The following CTNNA3 variants were observed in gnomAD, a reference collection of about 807,000 sequenced individuals.
CTNNA3 encodes the protein catenin alpha 3.
A neutral mutation model predicts 95.7 loss-of-function variants in CTNNA3; 76 were observed. The observed-to-expected ratio is 0.79, with a 90% CI of 0.66 to 0.96. The LOEUF (loss-of-function observed/expected upper bound fraction) is 0.96. Ranked by LOEUF, CTNNA3 falls within the 40% of genes least tolerant of loss-of-function variation. CTNNA3 has a pLI of 0.00. For synonymous variants in CTNNA3, 431 were observed against 374.4 expected, an observed-to-expected ratio of 1.15 and a Z score of -1.74; for missense variants, 1,191 against 1,089.8, an observed-to-expected ratio of 1.09 and a Z score of -1.31.
At chr10:67,247,105 G>A (rs927927964) in intron 5 of CTNNA3, among the ~76,000 whole-genome samples, 2 of 152,236 alleles carry the variant, frequency 1.3e-5, no homozygotes, top group Middle Eastern at 6.8e-3. Flanking sequence ...AAACAAGGAT[G>A]TCCCCTTTCA....
intron 5 of CTNNA3, among the ~76,000 whole-genome samples, chr10:67,248,914 T>C (rs896711539): frequency 6.6e-6 from 1 of 152,206 alleles, no homozygotes; most frequent in Non-Finnish European, 1.5e-5. Flanking sequence ...ATTGCCAAGG[T>C]CTGATTGCAA....
intron 10 of CTNNA3, among the ~76,000 whole-genome samples, chr10:66,579,307 A>T (rs1379655569): frequency 6.6e-6 from 1 of 151,872 alleles, no homozygotes; most frequent in Non-Finnish European, 1.5e-5. Flanking sequence ...TTGCATTACA[A>T]AAGAAGTTCT....
At chr10:66,619,885 A>G (rs1844683219) in intron 10 of CTNNA3, among the ~76,000 whole-genome samples, 1 of 152,086 alleles carries the variant, frequency 6.6e-6, no homozygotes, top group Admixed American at 6.6e-5. Flanking sequence ...GTGTATACAA[A>G]TATATATTAG....
At chr10:66,921,757 C>A (rs1846800807) in intron 7 of CTNNA3, among the ~76,000 whole-genome samples, 2 of 152,042 alleles carry the variant, frequency 1.3e-5, no homozygotes, top group Admixed American at 1.3e-4. Context: ...TTTCATAGTA[C>A]ATATGACCTA....
At chr10:66,835,035 C>G (rs1050615286) in intron 7 of CTNNA3, among the ~76,000 whole-genome samples, 5 of 152,168 alleles carry the variant, frequency 3.3e-5, no homozygotes, top group Admixed American at 2.6e-4. Flanking sequence ...TGAGTTTCAT[C>G]TGACACAATA....
chr10:66,259,235 CA>C (rs1376355320), intron 13 of CTNNA3, among the ~76,000 whole-genome samples: 2 of 152,110 alleles, frequency 1.3e-5, no homozygotes, highest in Non-Finnish European at 2.9e-5. Flanking sequence ...ACAAGTTTTT[CA>C]TGATCCTCAT....
rs370797511 is a variant in CTNNA3 at position 67,521,976 on chromosome 10, A to C, written c.460-15T>G. On this transcript the variant is annotated splice_polypyrimidine_tract_variant and intron_variant, in intron 4 of 17. Coordinates refer to ENST00000433211, the MANE Select transcript of CTNNA3 (RefSeq NM_013266.4). Reference sequence around the variant, plus strand: ...GTCCTTTGAAACTGAAATTGAAAACAAAAGTAGATCATTAGGATAGCAGCA... The same window carrying C: ...GTCCTTTGAAACTGAAATTGAAAACCAAAGTAGATCATTAGGATAGCAGCA... 6.2e-7 allele frequency: 1 copy of C among 1,606,572 alleles called. No individual in the cohort carries two copies. Among genetic ancestry groups the C allele is most frequent in the African/African-American group, 1.3e-5 (1 of 74,792 alleles).
chr10:66,729,319 G>A (rs754510336), intron 9 of CTNNA3, among the ~76,000 whole-genome samples: 3 of 152,206 alleles, frequency 2.0e-5, no homozygotes, highest in Non-Finnish European at 4.4e-5. Context: ...GCGAGGTTAC[G>A]GAGAAAAAGG....
chr10:67,485,343 A>G (rs12414903), intron 5 of CTNNA3, among the ~76,000 whole-genome samples: 17,759 of 152,112 alleles, frequency 0.12, 1,447 homozygotes, highest in East Asian at 0.35. Flanking sequence ...GAACTACTAG[A>G]GGTTAGAGGA....
chr10:66,470,338 A>G (rs548477303), intron 11 of CTNNA3, among the ~76,000 whole-genome samples: 2 of 152,014 alleles, frequency 1.3e-5, no homozygotes, highest in Admixed American at 6.6e-5. Context: ...TTGTAATTGC[A>G]AGGAGTCAAC....
chr10:67,429,116 C>T (rs1409303423), intron 5 of CTNNA3, among the ~76,000 whole-genome samples: 2 of 151,986 alleles, frequency 1.3e-5, no homozygotes, highest in African/African-American at 2.4e-5. Flanking sequence ...GGCAATCACA[C>T]ATTAACTCTA....
chr10:67,463,571 C>G (rs1220150686), intron 5 of CTNNA3, among the ~76,000 whole-genome samples: 1 of 152,166 alleles, frequency 6.6e-6, no homozygotes, highest in African/African-American at 2.4e-5. Context: ...ACATTCACCT[C>G]AATACATGTG....
intron 13 of CTNNA3, among the ~76,000 whole-genome samples, chr10:66,122,129 A>C (rs1185997159): frequency 6.6e-6 from 1 of 152,204 alleles, no homozygotes; most frequent in African/African-American, 2.4e-5. Context: ...GTAGTGGGTA[A>C]TATAAATAGA....
At chr10:66,444,579 T>G (rs922431054) in intron 11 of CTNNA3, among the ~76,000 whole-genome samples, 1 of 152,064 alleles carries the variant, frequency 6.6e-6, no homozygotes, top group Non-Finnish European at 1.5e-5. Context: ...AAACTAAGCT[T>G]CATAAGTGAA....
At chr10:66,560,186 G>T (rs1842509620) in intron 10 of CTNNA3, among the ~76,000 whole-genome samples, 1 of 152,012 alleles carries the variant, frequency 6.6e-6, no homozygotes, top group African/African-American at 2.4e-5. Flanking sequence ...AACTCCTTGT[G>T]TTCCATCTTC....
chr10:66,243,862 G>A (rs1197637373), intron 13 of CTNNA3, among the ~76,000 whole-genome samples: 1 of 151,828 alleles, frequency 6.6e-6, no homozygotes. Flanking sequence ...CAGGTAGTAT[G>A]CCATGGACCT....
At chr10:67,320,261 G>C (rs2132549896) in intron 5 of CTNNA3, among the ~76,000 whole-genome samples, 1 of 152,224 alleles carries the variant, frequency 6.6e-6, no homozygotes, top group African/African-American at 2.4e-5. Flanking sequence ...GAAAGTTAAA[G>C]AAATTTTAAA....
intron 1 of CTNNA3, among the ~76,000 whole-genome samples, chr10:67,757,130 T>C (rs968714299): frequency 3.9e-5 from 6 of 152,190 alleles, no homozygotes; most frequent in South Asian, 2.1e-4. Context: ...GACAGAAACA[T>C]GGAATAGAGC....
chr10:67,105,425 T>C (rs184137214), intron 7 of CTNNA3, among the ~76,000 whole-genome samples: 210 of 152,244 alleles, frequency 1.4e-3, no homozygotes, highest in African/African-American at 4.8e-3. Context: ...CTATAAACTC[T>C]TGAATTGCTG....
Sources: allele counts gnomAD v4.1 joint callset (sites outside exome capture counted in the v4.1 genomes callset), GRCh38; gene constraint gnomAD v4.1.1; transcripts MANE v1.5; gene names NCBI Gene and HGNC (gene_info 2026-07-23, HGNC 2026-07-21).